The following ATL1 variants were observed in gnomAD, a reference collection of about 807,000 sequenced individuals.
ATL1 encodes the protein atlastin GTPase 1, also known as atlastin-1.
In ATL1, 31 loss-of-function variants were observed where a neutral mutation model predicts 75.5. That is an observed-to-expected ratio of 0.41 (90% CI 0.31 to 0.55). ATL1 has a LOEUF of 0.55. Ranked by LOEUF, ATL1 falls within the 20% of genes least tolerant of loss-of-function variation. The pLI, the probability that ATL1 is intolerant of heterozygous loss-of-function variation, is 0.27. For synonymous variants in ATL1, 226 were observed against 233.3 expected (o/e 0.97, Z 0.28); for missense variants, 405 against 662.6 (o/e 0.61, Z 4.27).
At chr14:50,622,420 C>T (rs1393419107) in intron 10 of ATL1, among the ~76,000 whole-genome samples, 1 of 152,140 alleles carries the variant, frequency 6.6e-6, no homozygotes, top group African/African-American at 2.4e-5. Flanking sequence ...GTAATCCCAG[C>T]ACTTTGGGAG....
chr14:50,536,530 A>T (rs1156399639), intron 1 of ATL1, among the ~76,000 whole-genome samples: 1 of 152,154 alleles, frequency 6.6e-6, no homozygotes, highest in Non-Finnish European at 1.5e-5. Context: ...ACTGGGTAAC[A>T]GGCAGAGGTT....
chr14:50,582,475 T>C (rs543510873), intron 1 of ATL1, among the ~76,000 whole-genome samples: 2 of 150,112 alleles, frequency 1.3e-5, no homozygotes, highest in East Asian at 4.0e-4. Context: ...AGTGGTGTGA[T>C]CTCAGCTCAC....
At chr14:50,542,002 G>T (rs1232978189) in intron 1 of ATL1, among the ~76,000 whole-genome samples, 1 of 75,760 alleles carries the variant, frequency 1.3e-5, no homozygotes, top group East Asian at 4.4e-4. Context: ...GCGAGATTCC[G>T]TCTCAAAAAA....
chr14:50,615,626 A>C (rs2039407502), intron 8 of ATL1, among the ~76,000 whole-genome samples: 1 of 152,258 alleles, frequency 6.6e-6, no homozygotes, highest in South Asian at 2.1e-4. Flanking sequence ...CATATGGTAC[A>C]TATGGATGAC....
At chr14:50,569,836 GT>G (rs553076074) in intron 1 of ATL1, among the ~76,000 whole-genome samples, 1 of 151,990 alleles carries the variant, frequency 6.6e-6, no homozygotes, top group Non-Finnish European at 1.5e-5. Context: ...TAGTTGACAG[GT>G]TTTTTTTCTT....
intron 1 of ATL1, among the ~76,000 whole-genome samples, chr14:50,553,785 A>G (rs1325668458): frequency 1.3e-5 from 2 of 152,172 alleles, no homozygotes; most frequent in African/African-American, 4.8e-5. Context: ...AACAGAACAA[A>G]ATAATGGCCT....
At chr14:50,566,995 A>AC (rs1326418399) in intron 1 of ATL1, among the ~76,000 whole-genome samples, 2 of 152,216 alleles carry the variant, frequency 1.3e-5, no homozygotes, top group African/African-American at 4.8e-5. Context: ...TACCATCATA[A>AC]CCATTTTTAA....
intron 1 of ATL1, chr14:50,542,429 C>G (rs1055174590): frequency 3.3e-5 from 5 of 151,998 alleles, no homozygotes; most frequent in African/African-American, 1.2e-4. Context: ...CCTGCACATT[C>G]TGTACAGGTA....
At chr14:50,558,778 G>A (rs1177089363), upstream of ATL1, among the ~76,000 whole-genome samples, 13 of 152,238 alleles carry the variant, frequency 8.5e-5, no homozygotes, top group South Asian at 2.3e-3. Flanking sequence ...CTTCTCTTTT[G>A]TTCTATGAAC....
intron 8 of ATL1, among the ~76,000 whole-genome samples, chr14:50,615,233 A>C (rs1197517856): frequency 6.6e-6 from 1 of 152,222 alleles, no homozygotes; most frequent in Non-Finnish European, 1.5e-5. Context: ...TTGTTCAAAG[A>C]CATGACTTTT....
chr14:50,541,436 C>T (rs1316926821), intron 1 of ATL1, among the ~76,000 whole-genome samples: 1 of 152,326 alleles, frequency 6.6e-6, no homozygotes, highest in South Asian at 2.1e-4. Flanking sequence ...GGAAGTAGTG[C>T]TCTACCTTGT....
At chr14:50,571,179 G>A (rs906226735) in intron 1 of ATL1, among the ~76,000 whole-genome samples, 20 of 152,108 alleles carry the variant, frequency 1.3e-4, no homozygotes, top group Admixed American at 5.9e-4. Context: ...ACCTGTATCT[G>A]CACCTCCATG....
intron 1 of ATL1, 68 bp downstream of exon 1, chr14:50,560,367 G>A: frequency 6.3e-7 from 1 of 1,579,524 alleles, no homozygotes; most frequent in Non-Finnish European, 8.6e-7. Flanking sequence ...CTGCTTCTGT[G>A]GAGACAGGGA....
intron 6 of ATL1, among the ~76,000 whole-genome samples, chr14:50,600,489 A>G (rs1193957068): frequency 6.6e-6 from 1 of 152,226 alleles, no homozygotes; most frequent in Non-Finnish European, 1.5e-5. Context: ...ATAGTATTTT[A>G]GATTAAAGCA....
At chr14:50,630,606 T>C (rs1399483298) in intron 13 of ATL1, among the ~76,000 whole-genome samples, 2 of 152,088 alleles carry the variant, frequency 1.3e-5, no homozygotes, top group African/African-American at 4.8e-5. Flanking sequence ...CTAAGAAAAA[T>C]TACCACTCTG....
upstream of ATL1, chr14:50,559,437 C>A (rs148220879): frequency 5.3e-5 from 8 of 151,980 alleles, 1 homozygote; most frequent in Non-Finnish European, 7.4e-5. Flanking sequence ...TATTTTTTTT[C>A]TTTTCCTTTC....
At chr14:50,550,533 A>C (rs1326309563) in intron 1 of ATL1, among the ~76,000 whole-genome samples, 1 of 152,172 alleles carries the variant, frequency 6.6e-6, no homozygotes, top group Non-Finnish European at 1.5e-5. Flanking sequence ...GCCTGACAGA[A>C]CTGGAGTGAC....
rs778318620 is a variant in ATL1, at chr14:50,628,243, A to G, written c.1332A>G (p.Ala444=). 24 of 1,614,212 alleles carry G rather than the reference A, an allele frequency of 1.5e-5. No homozygotes were observed. The highest frequency in any genetic ancestry group is 2.0e-5 in the Non-Finnish European group (24 of 1,180,038). ...ATGATAGCAAAAATATCTTCCATGC[A>G]GCTCGTACCCCAGCCACACTGTTTG... ...KHNDSKNIFH[A]ARTPATLFVV... Residue 444 remains alanine (A), a synonymous_variant, in exon 12 of 14, where the codon GCA becomes GCG. Transcript: ENST00000358385.
In ATL1 at chr14:50,553,270, C is replaced by CAA. The variant is rs35423067; in HGVS notation, c.-139-6843_-139-6842dup. On this transcript the variant is annotated intron_variant, in intron 1 of 13. Transcript: ENST00000441560. ...TGGGTGACAAAGCAAGACTCCGTTTCAAAAAAAAAAAAAAAGTGGGTAAAG... is the reference window on the plus strand; with the variant it reads ...TGGGTGACAAAGCAAGACTCCGTTTCAAAAAAAAAAAAAAAAAGTGGGTAAAG... Among the ~76,000 whole-genome samples, 513 of 103,108 alleles carry CAA rather than the reference C, an allele frequency of 5.0e-3. 4 individuals carry two copies. The highest frequency in any genetic ancestry group is 8.5e-3 in the South Asian group (29 of 3,392). The allele number at this position is 103,108 out of a possible 152,430, so 67.6% of individuals were successfully genotyped here. A position where few individuals can be genotyped will look rare whatever the true frequency, so the allele number is the denominator to read the frequency against.
Sources: allele counts gnomAD v4.1 joint callset (sites outside exome capture counted in the v4.1 genomes callset), GRCh38; gene constraint gnomAD v4.1.1; transcripts MANE v1.5; gene names NCBI Gene and HGNC (gene_info 2026-07-23, HGNC 2026-07-21).